The following LAMA5 variants were observed in gnomAD, a reference collection of about 807,000 sequenced individuals.
The protein encoded by LAMA5 is laminin subunit alpha 5, also known as laminin subunit alpha-5.
In LAMA5, 260 loss-of-function variants were observed where a neutral mutation model predicts 433.4. The observed-to-expected ratio is 0.60, with a 90% confidence interval of 0.54 to 0.66. The LOEUF is 0.66. Among genes scored for constraint, LAMA5 ranks in the 30% least tolerant of loss-of-function variants. The probability of loss-of-function intolerance (pLI) is 0.00; values close to 1 mark genes in which losing one functional copy is unlikely to be tolerated. For missense variants in LAMA5, 5,378 were observed against 5,258.5 expected, an observed-to-expected ratio of 1.02 and a Z score of -0.70; for synonymous variants, 2,620 against 2,226.6, an observed-to-expected ratio of 1.18 and a Z score of -4.97.
intron 51 of LAMA5, 37 bp downstream of exon 51, chr20:62,319,647 G>GGCTCTGA (rs1356279606): frequency 1.4e-5 from 21 of 1,459,834 alleles, no homozygotes; most frequent in Non-Finnish European, 1.9e-5. Flanking sequence ...CAGCCCTCCT[G>GGCTCTGA]GCTCTGAGCC....
chr20:62,341,826 C>CAAAAAAAAAAAAAAAA (rs11466846), intron 11 of LAMA5, among the ~76,000 whole-genome samples: 1 of 128,154 alleles, frequency 7.8e-6, no homozygotes, highest in African/African-American at 3.8e-5. Flanking sequence ...TCTGATCAAC[C>CAAAAAAAAAAAAAAAA]AAAAAAAAAA....
At position 62,318,922 on chromosome 20, in the gene LAMA5, C is replaced by G; in HGVS notation, c.6963G>C (p.Arg2321=). ...QLLRTLAEVE[R]LLWEMRARDL... ...CCCGGGCCCGCATCTCCCAGAGCAGCCGCTCCACCTCGGCCAGTGTCCGGA... is the reference window on the plus strand; with the variant it reads ...CCCGGGCCCGCATCTCCCAGAGCAGGCGCTCCACCTCGGCCAGTGTCCGGA... The change falls in exon 52 of 80, where the codon CGG becomes CGC. Residue 2321 remains arginine (R), a synonymous_variant. Transcript: ENST00000252999. The G allele has an allele frequency of 6.2e-7, 1 of 1,602,960 alleles. No individual in the cohort carries two copies. Among genetic ancestry groups the G allele is most frequent in the Admixed American group, 1.7e-5 (1 of 58,910 alleles).
At chr20:62,350,016 T>C (rs1215868781) in intron 6 of LAMA5, among the ~76,000 whole-genome samples, 1 of 151,594 alleles carries the variant, frequency 6.6e-6, no homozygotes, top group Non-Finnish European at 1.5e-5. Flanking sequence ...TTTGGGACAC[T>C]GGTGGGTGAC....
At chr20:62,344,455 CTTTT>C (rs1230238157) in intron 11 of LAMA5, among the ~76,000 whole-genome samples, 1 of 151,186 alleles carries the variant, frequency 6.6e-6, no homozygotes, top group South Asian at 2.1e-4. Flanking sequence ...CTGGGAGACT[CTTTT>C]TTTTTAAATT....
At chr20:62,360,782 AC>A (rs1329254370) in intron 2 of LAMA5, among the ~76,000 whole-genome samples, 2 of 152,032 alleles carry the variant, frequency 1.3e-5, no homozygotes, top group Non-Finnish European at 2.9e-5. Context: ...ACATGGCGGA[AC>A]CTGATTTCTG....
chr20:62,358,650 C>G (rs1288865926), intron 2 of LAMA5, among the ~76,000 whole-genome samples: 2 of 152,138 alleles, frequency 1.3e-5, no homozygotes, highest in East Asian at 3.8e-4. Context: ...CTCCCATTTA[C>G]AGAGGAGGAA....
At chr20:62,362,354 A>G in intron 2 of LAMA5, 46 bp downstream of exon 2, 2 of 1,418,670 alleles carry the variant, frequency 1.4e-6, no homozygotes, top group Non-Finnish European at 1.9e-6. Flanking sequence ...CCCGACGGGC[A>G]CAGACACAGA....
chr20:62,348,652 T>C (rs572843665), intron 6 of LAMA5, among the ~76,000 whole-genome samples: 2 of 150,814 alleles, frequency 1.3e-5, no homozygotes, highest in South Asian at 2.1e-4. Flanking sequence ...AACATAATAA[T>C]AAAAAAAATA....
intron 22 of LAMA5, 72 bp downstream of exon 22, chr20:62,334,114 C>CCCA (rs1981075018): frequency 1.3e-6 from 2 of 1,586,030 alleles, no homozygotes; most frequent in Non-Finnish European, 8.6e-7. Flanking sequence ...AAGGGGCCTG[C>CCCA]CCACCCCTCC....
intron 6 of LAMA5, among the ~76,000 whole-genome samples, chr20:62,350,124 G>A (rs533168071): frequency 2.1e-4 from 32 of 151,912 alleles, no homozygotes; most frequent in Admixed American, 1.3e-3. Context: ...ACCCAGGTGC[G>A]GTGAGTCAGG....
Position 62,335,212 on chromosome 20 carries a change from C to T in LAMA5, c.2376+5G>A. On this transcript the variant is annotated splice_donor_5th_base_variant and intron_variant, in intron 19 of 79. Coordinates refer to ENST00000252999, the MANE Select transcript of LAMA5 (RefSeq NM_005560.6). Reference sequence around the variant, plus strand: ...AATCCCCCACACCTTGGTCCTCAGACTCACCGGCTGGCACTCAGCAACTCC... The same window carrying T: ...AATCCCCCACACCTTGGTCCTCAGATTCACCGGCTGGCACTCAGCAACTCC... The T allele has an allele frequency of 1.9e-6, 3 of 1,612,806 alleles. No homozygotes were observed. The highest frequency in any genetic ancestry group is 2.5e-6 in the Non-Finnish European group (3 of 1,179,556).
rs1363205277 is a variant in LAMA5, at chr20:62,310,582, C to A, written c.10447-10G>T. On this transcript the variant is annotated splice_polypyrimidine_tract_variant and intron_variant, in intron 75 of 79. Coordinates refer to ENST00000252999, the MANE Select transcript of LAMA5 (RefSeq NM_005560.6). The stretch of plus-strand genomic sequence containing the variant: ...TGAACCCGACGGTCACCTATAGGAG[C>A]AGACCGGGCAGGGATCAGGGCCCAG... The A allele has an allele frequency of 6.4e-7, 1 of 1,561,694 alleles. No homozygotes were observed. Among genetic ancestry groups the A allele is most frequent in the East Asian group, 2.2e-5 (1 of 44,514 alleles).
Position 62,320,725 on chromosome 20 carries a change from A to G in LAMA5, c.6648+14T>C, listed in dbSNP as rs1357917461. On this transcript the variant is annotated intron_variant, in intron 49 of 79. Coordinates refer to ENST00000252999, the MANE Select transcript of LAMA5 (RefSeq NM_005560.6). ...TGGCCCGGGTTGGGGAGGGAAGGCC[A>G]GGACGCTCAGTACCTGCAGGTCAGC... 3 of 1,612,542 alleles carry G rather than the reference A, an allele frequency of 1.9e-6. No individual in the cohort carries two copies. In the Admixed American group the frequency reaches 5.0e-5, roughly 27 times the overall value.
chr20:62,313,602 G>A (rs780246437), intron 63 of LAMA5, 47 bp downstream of exon 63: 32 of 1,605,242 alleles, frequency 2.0e-5, no homozygotes, highest in Non-Finnish European at 2.0e-5. Flanking sequence ...CAAGCGACTC[G>A]GGGCTGCGGA....
chr20:62,320,079 G>A (rs1027249697), intron 50 of LAMA5, among the ~76,000 whole-genome samples: 1 of 152,078 alleles, frequency 6.6e-6, no homozygotes, highest in Non-Finnish European at 1.5e-5. Flanking sequence ...AGCACTTTGG[G>A]AGGCTGAGAT....
intron 38 of LAMA5, 130 bp from the exon 39 acceptor site, chr20:62,327,096 C>T (rs940497626): frequency 4.1e-5 from 46 of 1,109,948 alleles, no homozygotes; most frequent in South Asian, 3.6e-4. Context: ...CATTCCCTAC[C>T]GGGACAGGGC....
chr20:62,358,711 C>T (rs975654506), intron 2 of LAMA5, among the ~76,000 whole-genome samples: 2 of 152,168 alleles, frequency 1.3e-5, no homozygotes, highest in African/African-American at 4.8e-5. Context: ...CACAGTCCTC[C>T]AGACCCCAGC....
At chr20:62,321,357 CCAGTGGGGGTGGGGT>C (rs1987716270) in intron 48 of LAMA5, among the ~76,000 whole-genome samples, 1 of 34,094 alleles carries the variant, frequency 2.9e-5, no homozygotes. Flanking sequence ...AGAGGTGGGG[CCAGTGGGGGTGGGGT>C]CAGTGGAGGG....
chr20:62,315,679 C>G (rs563576285), intron 58 of LAMA5, among the ~76,000 whole-genome samples: 4 of 152,128 alleles, frequency 2.6e-5, no homozygotes, highest in Non-Finnish European at 5.9e-5. Context: ...GTGCCCCAAT[C>G]CCCCCCAAGG....
Sources: gnomAD v4.1 joint callset for allele counts (sites outside exome capture counted in the v4.1 genomes callset) on GRCh38, gnomAD v4.1.1 for gene constraint, MANE v1.5 for transcripts, NCBI Gene and HGNC (gene_info 2026-07-23, HGNC 2026-07-21) for gene names.